Variants in KIAA0825 observed in about 807,000 individuals in gnomAD.
KIAA0825 encodes the protein uncharacterized protein KIAA0825.
A neutral mutation model predicts 147.6 loss-of-function variants in KIAA0825; 119 were observed. The ratio of observed to expected loss-of-function variants is 0.81; its 90% CI spans 0.69 to 0.94. KIAA0825 has a LOEUF of 0.94. KIAA0825 is among the 40% of genes least tolerant of loss of function. The pLI is 0.00. For missense variants in KIAA0825, 1,381 were observed against 1,472.7 expected (o/e 0.94, Z 1.02); for synonymous variants, 470 against 518.1 (o/e 0.91, Z 1.26).
intron 5 of KIAA0825, among the ~76,000 whole-genome samples, chr5:94,505,607 TACAATTTGTATA>T (rs1452542705): frequency 2.6e-5 from 4 of 152,200 alleles, no homozygotes; most frequent in African/African-American, 9.6e-5. Context: ...CAGATTCTTT[TACAATTTGTATA>T]AAGATGTCTG....
chr5:94,490,543 A>C (rs974038950), intron 5 of KIAA0825, among the ~76,000 whole-genome samples: 2 of 152,104 alleles, frequency 1.3e-5, no homozygotes, highest in Non-Finnish European at 2.9e-5. Context: ...TATTTTTTCT[A>C]AAATATGACT....
intron 20 of KIAA0825, among the ~76,000 whole-genome samples, chr5:94,322,622 G>T (rs916425759): frequency 6.6e-6 from 1 of 151,742 alleles, no homozygotes; most frequent in East Asian, 1.9e-4. Flanking sequence ...GCACCTGGAA[G>T]AATCTGTTTG....
intron 20 of KIAA0825, among the ~76,000 whole-genome samples, chr5:94,307,263 T>C (rs1778802725): frequency 6.6e-6 from 1 of 151,966 alleles, no homozygotes; most frequent in South Asian, 2.1e-4. Flanking sequence ...CGTATTTTTC[T>C]AACTACATTG....
At chr5:94,284,925 G>A (rs1383890692) in intron 20 of KIAA0825, among the ~76,000 whole-genome samples, 2 of 152,074 alleles carry the variant, frequency 1.3e-5, no homozygotes, top group Non-Finnish European at 2.9e-5. Context: ...TGTGATTTGT[G>A]TGTATGTCTC....
intron 20 of KIAA0825, among the ~76,000 whole-genome samples, chr5:94,293,516 G>C (rs1777996941): frequency 6.6e-6 from 1 of 152,182 alleles, no homozygotes; most frequent in Non-Finnish European, 1.5e-5. Context: ...TTGCTGAGGA[G>C]TGTTTTACTT....
intron 16 of KIAA0825, among the ~76,000 whole-genome samples, chr5:94,397,819 G>C (rs1750870343): frequency 6.6e-6 from 1 of 152,074 alleles, no homozygotes; most frequent in Non-Finnish European, 1.5e-5. Context: ...TTAAGTCTTG[G>C]CCTTTCTCCA....
At chr5:94,604,680 CAA>C (rs1787159203) in intron 1 of KIAA0825, among the ~76,000 whole-genome samples, 1 of 152,046 alleles carries the variant, frequency 6.6e-6, no homozygotes, top group East Asian at 1.9e-4. Flanking sequence ...AGGCAGAAAT[CAA>C]AAAGTTTTTT....
chr5:94,369,544 G>A (rs1400801606), intron 20 of KIAA0825, among the ~76,000 whole-genome samples: 2 of 152,082 alleles, frequency 1.3e-5, no homozygotes, highest in Admixed American at 1.3e-4. Flanking sequence ...GAGAATGAGA[G>A]GATTGAGGCT....
intron 1 of KIAA0825, among the ~76,000 whole-genome samples, chr5:94,600,890 T>C (rs959120268): frequency 2.6e-5 from 4 of 152,186 alleles, no homozygotes; most frequent in Non-Finnish European, 5.9e-5. Context: ...CCACTCCCAC[T>C]GACATTCTCT....
intron 20 of KIAA0825, among the ~76,000 whole-genome samples, chr5:94,376,020 GCACCAT>G (rs1747509284): frequency 6.6e-6 from 1 of 152,140 alleles, no homozygotes; most frequent in Non-Finnish European, 1.5e-5. Context: ...CAAAATCTGA[GCACCAT>G]CACTTAGAGC....
intron 5 of KIAA0825, among the ~76,000 whole-genome samples, chr5:94,504,816 C>T (rs948046387): frequency 6.1e-5 from 9 of 147,306 alleles, no homozygotes; most frequent in Non-Finnish European, 1.0e-4. Context: ...GGCGTAATCT[C>T]GGCTTACTGC....
chr5:94,271,423 A>C (rs976551342), intron 20 of KIAA0825, among the ~76,000 whole-genome samples: 1 of 152,172 alleles, frequency 6.6e-6, no homozygotes, highest in African/African-American at 2.4e-5. Context: ...ATAGGAAAAA[A>C]GTCTAATAAT....
chr5:94,250,714 T>C (rs569482484), intron 20 of KIAA0825, among the ~76,000 whole-genome samples: 1 of 152,296 alleles, frequency 6.6e-6, no homozygotes, highest in East Asian at 1.9e-4. Flanking sequence ...GCTAGAGAGT[T>C]GGCACTGCAT....
At chr5:94,482,250 A>T (rs1330706122) in intron 6 of KIAA0825, among the ~76,000 whole-genome samples, 1 of 152,070 alleles carries the variant, frequency 6.6e-6, no homozygotes, top group Non-Finnish European at 1.5e-5. Context: ...AGTAAACATC[A>T]AAGTAAAAAG....
At position 94,152,821 on chromosome 5, in the gene KIAA0825, GAAAAAAAAAAAAAA is replaced by G. The variant is rs1179311015; in HGVS notation, c.*1172_*1185del. 6.0e-3 allele frequency: 12 copies of G among 2,000 alleles called. No homozygotes were observed. Among genetic ancestry groups the G allele is most frequent in the African/African-American group, 0.011 (5 of 462 alleles). 0.1% of individuals were successfully genotyped at this position (2,000 alleles called of 1,614,324 possible). On this transcript the variant is annotated 3_prime_UTR_variant, in exon 21 of 21. Coordinates refer to ENST00000682413, the MANE Select transcript of KIAA0825 (RefSeq NM_001145678.3). Reference sequence around the variant, plus strand: ...CAGAGCAAGACCCTGTTTCTAAAATGAAAAAAAAAAAAAAAAAAAAAAAAAAAAAAAAAATTATA... The same window carrying G: ...CAGAGCAAGACCCTGTTTCTAAAATGAAAAAAAAAAAAAAAAAAAATTATA...
At chr5:94,473,586 G>A in intron 7 of KIAA0825, 67 bp from the exon 8 acceptor site, 5 of 977,734 alleles carry the variant, frequency 5.1e-6, no homozygotes, top group Non-Finnish European at 7.6e-6. Flanking sequence ...TATTGTTATA[G>A]ATATAAAATT....
At chr5:94,335,731 A>G (rs1445827128) in intron 20 of KIAA0825, among the ~76,000 whole-genome samples, 1 of 152,134 alleles carries the variant, frequency 6.6e-6, no homozygotes, top group African/African-American at 2.4e-5. Flanking sequence ...AGCTCTTACC[A>G]TATTGATTAT....
chr5:94,312,622 T>A (rs1234084081), intron 20 of KIAA0825, among the ~76,000 whole-genome samples: 4 of 151,744 alleles, frequency 2.6e-5, no homozygotes, highest in African/African-American at 9.7e-5. Flanking sequence ...CTCATTCTCT[T>A]GAATTCACAC....
chr5:94,548,784 G>A (rs1230032262), intron 2 of KIAA0825, among the ~76,000 whole-genome samples: 2 of 152,052 alleles, frequency 1.3e-5, no homozygotes, highest in African/African-American at 4.8e-5. Context: ...AGATATACTT[G>A]TATCAGACAA....
Sources: gnomAD v4.1 joint callset for allele counts (sites outside exome capture counted in the v4.1 genomes callset) on GRCh38, gnomAD v4.1.1 for gene constraint, MANE v1.5 for transcripts, NCBI Gene and HGNC (gene_info 2026-07-23, HGNC 2026-07-21) for gene names.